Variants in STXBP4 observed in about 807,000 individuals in gnomAD.
The protein encoded by STXBP4 is syntaxin binding protein 4, also known as syntaxin-binding protein 4.
In STXBP4, 55 loss-of-function variants were observed where a neutral mutation model predicts 76.1. The ratio of observed to expected loss-of-function variants is 0.72; its 90% CI spans 0.58 to 0.91. The LOEUF is 0.91. Ranked by LOEUF, STXBP4 falls within the 40% of genes least tolerant of loss-of-function variation. The pLI is 0.00. For missense variants in STXBP4, 618 were observed against 636.9 expected, an observed-to-expected ratio of 0.97 and a Z score of 0.32; for synonymous variants, 201 against 220.2, an observed-to-expected ratio of 0.91 and a Z score of 0.77.
At chr17:55,063,459 C>G (rs1173606606) in intron 12 of STXBP4, among the ~76,000 whole-genome samples, 1 of 152,164 alleles carries the variant, frequency 6.6e-6, no homozygotes, top group East Asian at 1.9e-4. Context: ...TGTTAAAGTT[C>G]TAGGTTCCAT....
chr17:55,201,356 G>A, the STXBP4 span, among the ~76,000 whole-genome samples: 3 of 151,180 alleles, frequency 2.0e-5, no homozygotes, highest in Non-Finnish European at 4.4e-5. Context: ...TTCAAACAAT[G>A]AAGATTAAAA....
chr17:55,063,128 A>C (rs914709773), intron 12 of STXBP4, among the ~76,000 whole-genome samples: 4 of 152,216 alleles, frequency 2.6e-5, no homozygotes, highest in African/African-American at 9.6e-5. Flanking sequence ...TGGACAGCCC[A>C]GCTGGCATTC....
Position 55,165,228 on chromosome 17 carries a change from G to A in STXBP4, c.*5317G>A, listed in dbSNP as rs1319746800. 6.6e-6 allele frequency: 1 copy of A among 152,168 alleles called. No individual in the cohort carries two copies. Among genetic ancestry groups the A allele is most frequent in the African/African-American group, 2.4e-5 (1 of 41,440 alleles). The allele number at this position is 152,168 out of a possible 1,614,324, so 9.4% of individuals were successfully genotyped here. A position where few individuals can be genotyped will look rare whatever the true frequency, so the allele number is the denominator to read the frequency against. On this transcript the variant is annotated 3_prime_UTR_variant, in exon 18 of 18. Transcript: ENST00000376352. ...AGAGCACATATGATGAGGAAGATGA[G>A]GCTTTCTTACTCACTGTCTAGGAAA... is the stretch of plus-strand genomic sequence containing the variant.
chr17:55,114,631 T>G (rs1253365454), intron 16 of STXBP4, among the ~76,000 whole-genome samples: 1 of 152,038 alleles, frequency 6.6e-6, no homozygotes, highest in Non-Finnish European at 1.5e-5. Flanking sequence ...CTTTTGTTTA[T>G]TTCAGAAAAG....
At chr17:55,066,748 A>G (rs1446530880) in intron 12 of STXBP4, among the ~76,000 whole-genome samples, 2 of 152,092 alleles carry the variant, frequency 1.3e-5, no homozygotes, top group South Asian at 2.1e-4. Context: ...GGTGGCTCAC[A>G]CCTGTAATCC....
downstream of STXBP4, among the ~76,000 whole-genome samples, chr17:55,176,194 G>T (rs2080430232): frequency 6.6e-6 from 1 of 152,220 alleles, no homozygotes; most frequent in African/African-American, 2.4e-5. Context: ...GTCAAGTGAA[G>T]CAGAGAAGAA....
intron 12 of STXBP4, among the ~76,000 whole-genome samples, chr17:55,055,121 A>G (rs908289525): frequency 6.6e-6 from 1 of 152,166 alleles, no homozygotes; most frequent in Non-Finnish European, 1.5e-5. Context: ...TCTAATTTTG[A>G]ATACTAGTTT....
intron 8 of STXBP4, among the ~76,000 whole-genome samples, chr17:55,017,588 G>A (rs529421327): frequency 3.1e-4 from 47 of 152,346 alleles, no homozygotes; most frequent in African/African-American, 1.1e-3. Flanking sequence ...AGTCGTGGTC[G>A]GGACCCAGGA....
downstream of STXBP4, among the ~76,000 whole-genome samples, chr17:55,176,877 T>C (rs578238999): frequency 1.4e-4 from 21 of 152,142 alleles, no homozygotes; most frequent in Non-Finnish European, 2.9e-4. Context: ...AGACATAATA[T>C]TTCCTGGTTT....
At chr17:55,062,797 G>A (rs2079009894) in intron 12 of STXBP4, among the ~76,000 whole-genome samples, 1 of 152,110 alleles carries the variant, frequency 6.6e-6, no homozygotes, top group African/African-American at 2.4e-5. Context: ...CATTCTAACT[G>A]GCGTGAGATG....
chr17:54,994,733 C>T (rs547495690), intron 4 of STXBP4, among the ~76,000 whole-genome samples: 53 of 152,158 alleles, frequency 3.5e-4, no homozygotes, highest in African/African-American at 1.3e-3. Context: ...GGCTTCTGCC[C>T]TGTCCTTCTC....
intron 4 of STXBP4, among the ~76,000 whole-genome samples, chr17:54,997,317 A>T (rs1457233477): frequency 6.6e-6 from 1 of 151,942 alleles, no homozygotes; most frequent in Non-Finnish European, 1.5e-5. Flanking sequence ...CAGAAGTCAT[A>T]GTCAGAAGGC....
rs138057184 is a variant in STXBP4 at position 55,042,271 on chromosome 17, C to A, written c.856-965C>A. Among the ~76,000 whole-genome samples the A allele has an allele frequency of 3.6e-3, 548 of 152,148 alleles. 3 individuals carry two copies. Among genetic ancestry groups the A allele is most frequent in the African/African-American group, 0.013 (530 of 41,528 alleles). On this transcript the variant is annotated intron_variant, in intron 10 of 17. Coordinates refer to ENST00000376352, the MANE Select transcript of STXBP4 (RefSeq NM_178509.6). The stretch of plus-strand genomic sequence containing the variant: ...GAATGGCCATTTGTTAGCTGTGAAA[C>A]CTTAGGCAAGTTATTAACATTTCTG...
chr17:55,089,226 A>C (rs541541091), intron 16 of STXBP4, among the ~76,000 whole-genome samples: 2 of 152,274 alleles, frequency 1.3e-5, no homozygotes, highest in Admixed American at 1.3e-4. Flanking sequence ...TGCCACTGCC[A>C]TGACTACTGC....
chr17:55,105,723 C>G (rs999169642), intron 16 of STXBP4, among the ~76,000 whole-genome samples: 1 of 152,000 alleles, frequency 6.6e-6, no homozygotes, highest in African/African-American at 2.4e-5. Context: ...CGTTACCCAC[C>G]AGCCTTGGCC....
At chr17:55,023,935 A>G (rs1334394120) in intron 8 of STXBP4, among the ~76,000 whole-genome samples, 2 of 150,968 alleles carry the variant, frequency 1.3e-5, no homozygotes, top group South Asian at 2.1e-4. Context: ...AAAAAAAAAA[A>G]AAAAAGAAAA....
rs917884133 is a variant in STXBP4, at chr17:55,172,075, A to G, written c.*12164A>G. On this transcript the variant is annotated 3_prime_UTR_variant, in exon 18 of 18. Coordinates refer to ENST00000376352, the MANE Select transcript of STXBP4 (RefSeq NM_178509.6). ...ATCAGAAGTCCTCTCACTTAGAGGC[A>G]TATCTAAGACTTTTTTCTTGTGGAG... is the stretch of plus-strand genomic sequence containing the variant. 2 of 152,224 alleles carry G rather than the reference A, an allele frequency of 1.3e-5. No homozygotes were observed. Among genetic ancestry groups the G allele is most frequent in the Non-Finnish European group, 2.9e-5 (2 of 68,048 alleles). The allele number at this position is 152,224 out of a possible 1,614,324, so 9.4% of individuals were successfully genotyped here.
At chr17:55,061,663 A>C (rs1186683121) in intron 12 of STXBP4, among the ~76,000 whole-genome samples, 1 of 152,188 alleles carries the variant, frequency 6.6e-6, no homozygotes, top group African/African-American at 2.4e-5. Flanking sequence ...AACACCTGGC[A>C]AACACTAATC....
At chr17:55,004,439 C>T (rs1220292401) in intron 7 of STXBP4, among the ~76,000 whole-genome samples, 7 of 152,094 alleles carry the variant, frequency 4.6e-5, no homozygotes, top group African/African-American at 1.7e-4. Context: ...TGGTGGCTCA[C>T]ACCTATAATC....
Sources: gnomAD v4.1 joint callset for allele counts (sites outside exome capture counted in the v4.1 genomes callset) on GRCh38, gnomAD v4.1.1 for gene constraint, MANE v1.5 for transcripts, NCBI Gene and HGNC (gene_info 2026-07-23, HGNC 2026-07-21) for gene names.